EIF2AK2: variants seen among roughly 807,000 people sequenced by gnomAD.
EIF2AK2 encodes interferon-induced, double-stranded RNA-activated protein kinase.
In EIF2AK2, 40 loss-of-function variants were observed where a neutral mutation model predicts 70.5. The ratio of observed to expected loss-of-function variants is 0.57; its 90% CI spans 0.44 to 0.74. EIF2AK2 has a LOEUF of 0.74. Among genes scored for constraint, EIF2AK2 ranks in the 30% least tolerant of loss-of-function variants. The probability of loss-of-function intolerance (pLI) is 0.00; values close to 1 mark genes in which losing one functional copy is unlikely to be tolerated. For missense variants in EIF2AK2, 555 were observed against 644.3 expected, an observed-to-expected ratio of 0.86 and a Z score of 1.50; for synonymous variants, 198 against 220.9, an observed-to-expected ratio of 0.90 and a Z score of 0.92.
chr2:37,133,829 TTACTATTC>T (rs1675031958), intron 10 of EIF2AK2, among the ~76,000 whole-genome samples: 1 of 152,204 alleles, frequency 6.6e-6, no homozygotes, highest in Admixed American at 6.5e-5. Context: ...GATCAGCTCC[TTACTATTC>T]CACGGGATTT....
chr2:37,152,284 T>C (rs1327200985), intron 1 of EIF2AK2, among the ~76,000 whole-genome samples: 2 of 152,178 alleles, frequency 1.3e-5, no homozygotes, highest in African/African-American at 2.4e-5. Flanking sequence ...GGCCACTCTT[T>C]CTGTTTTTTG....
intron 14 of EIF2AK2, among the ~76,000 whole-genome samples, chr2:37,112,732 A>T (rs929456193): frequency 2.0e-5 from 3 of 152,244 alleles, no homozygotes; most frequent in Admixed American, 1.3e-4. Context: ...TTTATATATG[A>T]TAAAATAATA....
chr2:37,147,688 C>A lies in EIF2AK2; in HGVS notation c.119G>T (p.Arg40Met). The A allele has an allele frequency of 6.3e-7, 1 of 1,599,862 alleles. No individual in the cohort carries two copies. Among genetic ancestry groups the A allele is most frequent in the South Asian group, 1.1e-5 (1 of 90,648 alleles). ...LPNSGPPHDR[R>M]FTFQVIIDGR... ...CATATCATTTTTTATAGCAACCTAC[C>A]TCCTATCATGTGGAGGTCCTGAATT... The change falls in exon 3 of 17, where the codon AGG becomes ATG. Residue 40 changes from arginine to methionine, a missense_variant and splice_region_variant. Arg to Met is a moderately conservative substitution (Grantham distance 91). Around this residue, in one of 3 missense-constraint regions of EIF2AK2, gnomAD observed 48 missense variants for 77.1 expected, o/e 0.62. Coordinates refer to ENST00000233057, the MANE Select transcript of EIF2AK2 (RefSeq NM_001135651.3).
In EIF2AK2 at chr2:37,104,365, G is replaced by T. The variant is rs758612912; in HGVS notation, c.*2908C>A. 2 of 151,804 alleles carry T rather than the reference G, an allele frequency of 1.3e-5. No individual in the cohort carries two copies. Among genetic ancestry groups the T allele is most frequent in the Non-Finnish European group, 2.9e-5 (2 of 67,996 alleles). The allele number at this position is 151,804 out of a possible 1,614,324, so 9.4% of individuals were successfully genotyped here. A position where few individuals can be genotyped will look rare whatever the true frequency, so the allele number is the denominator to read the frequency against. ...GATATGATCTCACTCTGTCACCCAG[G>T]CTGGAATGCAGTAACATGATCATGG... On this transcript the variant is annotated 3_prime_UTR_variant, in exon 17 of 17. Transcript: ENST00000233057.
intron 1 of EIF2AK2, among the ~76,000 whole-genome samples, chr2:37,151,662 A>C (rs1675744528): frequency 6.6e-6 from 1 of 152,266 alleles, no homozygotes; most frequent in South Asian, 2.1e-4. Context: ...ACTGTTAACA[A>C]TAGCCAAAAG....
In EIF2AK2 at chr2:37,117,879, C is replaced by A. The variant is rs184863448; in HGVS notation, c.1248+2080G>T. Among the ~76,000 whole-genome samples the A allele has an allele frequency of 1.5e-3, 233 of 152,334 alleles. 1 individual carries two copies. Among genetic ancestry groups the A allele is most frequent in the Admixed American group, 2.6e-3 (40 of 15,300 alleles). Reference sequence around the variant, plus strand: ...AGGTAAAGACCATTCTCTGGCAAAACCACCTACAGCTGCTATTTTGCAAAA... The same window carrying A: ...AGGTAAAGACCATTCTCTGGCAAAAACACCTACAGCTGCTATTTTGCAAAA... On this transcript the variant is annotated intron_variant, in intron 13 of 16. Transcript: ENST00000233057.
intron 11 of EIF2AK2, among the ~76,000 whole-genome samples, chr2:37,123,831 G>A (rs1674639453): frequency 2.0e-5 from 3 of 152,078 alleles, no homozygotes; most frequent in Admixed American, 6.6e-5. Context: ...AAATAAATTG[G>A]AGATTTCAAA....
intron 1 of EIF2AK2, among the ~76,000 whole-genome samples, chr2:37,154,198 G>A (rs1276416165): frequency 6.6e-6 from 1 of 152,000 alleles, no homozygotes; most frequent in Non-Finnish European, 1.5e-5. Flanking sequence ...GGTGGCACAT[G>A]CCTGTAATCC....
chr2:37,151,894 G>A (rs889892337), intron 1 of EIF2AK2, among the ~76,000 whole-genome samples: 11 of 152,152 alleles, frequency 7.2e-5, no homozygotes, highest in Admixed American at 1.3e-4. Context: ...GTGAAACCTC[G>A]TCTCCACTAA....
chr2:37,135,056 T>C (rs978412351), intron 10 of EIF2AK2, among the ~76,000 whole-genome samples: 6 of 152,198 alleles, frequency 3.9e-5, no homozygotes, highest in Admixed American at 6.5e-5. Flanking sequence ...GCCTGAAGCA[T>C]TATAAGAGTC....
chr2:37,145,544 T>C (rs566788655), intron 4 of EIF2AK2, among the ~76,000 whole-genome samples: 170 of 152,184 alleles, frequency 1.1e-3, no homozygotes, highest in African/African-American at 3.8e-3. Flanking sequence ...GTTAATTTAT[T>C]ATTGAAGAAA....
At position 37,105,108 on chromosome 2, in the gene EIF2AK2, T is replaced by A. The variant is rs888535313; in HGVS notation, c.*2165A>T. The A allele has an allele frequency of 1.3e-5, 2 of 152,264 alleles. No homozygotes were observed. Among genetic ancestry groups the A allele is most frequent in the African/African-American group, 2.4e-5 (1 of 41,466 alleles). 9.4% of individuals were successfully genotyped at this position (152,264 alleles called of 1,614,324 possible). ...TTATGAACACTTTTTAAAGCCTTTATAAAACTATTTTCTCTTACTGTATTT... is the reference window on the plus strand; with the variant it reads ...TTATGAACACTTTTTAAAGCCTTTAAAAAACTATTTTCTCTTACTGTATTT... On this transcript the variant is annotated 3_prime_UTR_variant, in exon 17 of 17. Coordinates refer to ENST00000233057, the MANE Select transcript of EIF2AK2 (RefSeq NM_001135651.3).
rs996065780 is a variant in EIF2AK2 at position 37,141,548 on chromosome 2, C to G, written c.389+5G>C. 1.2e-6 allele frequency: 2 copies of G among 1,608,060 alleles called. No individual in the cohort carries two copies. Among genetic ancestry groups the G allele is most frequent in the African/African-American group, 2.7e-5 (2 of 74,812 alleles). On this transcript the variant is annotated splice_donor_5th_base_variant and intron_variant, in intron 5 of 16. Transcript: ENST00000233057. The stretch of plus-strand genomic sequence containing the variant: ...AACAGAAAGAAAAGCCAAATTATGT[C>G]TTACCCTTCTGGCCCATGCACCCCC...
chr2:37,151,700 G>A (rs929013465), intron 1 of EIF2AK2, among the ~76,000 whole-genome samples: 3 of 152,146 alleles, frequency 2.0e-5, no homozygotes, highest in African/African-American at 4.8e-5. Flanking sequence ...GTCCATCAAC[G>A]GATAAATGGT....
At position 37,099,606 on chromosome 2, in the gene EIF2AK2, T is replaced by C. The variant is rs1341054651; in HGVS notation, c.*7667A>G. The C allele has an allele frequency of 6.6e-6, 1 of 152,198 alleles. No homozygotes were observed. Among genetic ancestry groups the C allele is most frequent in the Non-Finnish European group, 1.5e-5 (1 of 68,036 alleles). The allele number at this position is 152,198 out of a possible 1,614,324, so 9.4% of individuals were successfully genotyped here. A position where few individuals can be genotyped will look rare whatever the true frequency, so the allele number is the denominator to read the frequency against. ...CTGAAAGATGGATATAATTTTGATATGCAAAGTTATGAGGAAAGAGTTACT... is the reference window on the plus strand; with the variant it reads ...CTGAAAGATGGATATAATTTTGATACGCAAAGTTATGAGGAAAGAGTTACT... On this transcript the variant is annotated 3_prime_UTR_variant, in exon 17 of 17. Coordinates refer to ENST00000233057, the MANE Select transcript of EIF2AK2 (RefSeq NM_001135651.3).
At chr2:37,109,125 T>C in intron 15 of EIF2AK2, 69 bp downstream of exon 15, 1 of 1,414,294 alleles carries the variant, frequency 7.1e-7, no homozygotes. Flanking sequence ...AAGAACTGTC[T>C]GCAGCAGCAC....
intron 12 of EIF2AK2, among the ~76,000 whole-genome samples, chr2:37,121,617 ATT>A (rs34031780): frequency 2.3e-3 from 278 of 122,128 alleles, no homozygotes; most frequent in African/African-American, 6.4e-3. Flanking sequence ...TGGAGGCTTG[ATT>A]TTTTTTTTTT....
Position 37,107,278 on chromosome 2 carries a change from A to G in EIF2AK2, c.1651T>C (p.Cys551Arg). The change falls in exon 17 of 17, where the codon TGT becomes CGT. Residue 551 changes from cysteine to arginine, a missense_variant. Transcript: ENST00000233057. The part of the protein sequence containing the change: ...KSPEKNERHT[C>R] ...GATACTTTTTCAGAAGGGCTCTAACATGTGTGTCGTTCATTTTTCTCTGGG... is the reference window on the plus strand; with the variant it reads ...GATACTTTTTCAGAAGGGCTCTAACGTGTGTGTCGTTCATTTTTCTCTGGG... The G allele has an allele frequency of 6.2e-7, 1 of 1,612,772 alleles. No individual in the cohort carries two copies. The highest frequency in any genetic ancestry group is 8.5e-7 in the Non-Finnish European group (1 of 1,179,694).
intron 10 of EIF2AK2, among the ~76,000 whole-genome samples, chr2:37,133,784 A>G (rs528214323): frequency 3.1e-4 from 47 of 152,230 alleles, no homozygotes; most frequent in Non-Finnish European, 6.0e-4. Flanking sequence ...ACAGACCTTC[A>G]GTGGTATCCT....
Sources: allele counts gnomAD v4.1 joint callset (sites outside exome capture counted in the v4.1 genomes callset), GRCh38; gene constraint gnomAD v4.1.1; regional missense constraint gnomAD v4.1.1; transcripts MANE v1.5; gene names NCBI Gene and HGNC (gene_info 2026-07-23, HGNC 2026-07-21).